Variants in BRINP3 observed in about 807,000 individuals in gnomAD.
The protein encoded by BRINP3 is BMP/retinoic acid inducible neural specific 3.
Under a neutral mutation model 71.0 loss-of-function variants are expected in BRINP3, and 19 were observed. That is an observed-to-expected ratio of 0.27 (90% CI 0.19 to 0.39). BRINP3 has a LOEUF of 0.39. BRINP3 is among the 10% of genes least tolerant of loss of function. The pLI, the probability that BRINP3 is intolerant of heterozygous loss-of-function variation, is 1.00. For missense variants in BRINP3, 959 were observed against 940.8 expected (o/e 1.02, Z -0.25); for synonymous variants, 380 against 337.7 (o/e 1.13, Z -1.37).
chr1:190,459,638 T>C (rs2102653055), intron 1 of BRINP3, among the ~76,000 whole-genome samples: 1 of 152,064 alleles, frequency 6.6e-6, no homozygotes, highest in East Asian at 1.9e-4. Flanking sequence ...TAATTATTAC[T>C]ATTTGTTAAA....
chr1:190,311,753 G>T (rs1044375030), intron 2 of BRINP3, among the ~76,000 whole-genome samples: 4 of 150,786 alleles, frequency 2.7e-5, no homozygotes, highest in Non-Finnish European at 4.4e-5. Flanking sequence ...AAAATAACTG[G>T]TGACACTAAA....
chr1:190,287,068 G>GA (rs141757758), intron 2 of BRINP3, among the ~76,000 whole-genome samples: 21,110 of 145,500 alleles, frequency 0.15, 1,954 homozygotes, highest in South Asian at 0.26. Context: ...AAAAAAAAAA[G>GA]AAAAAAAAAA....
intron 2 of BRINP3, among the ~76,000 whole-genome samples, chr1:190,355,157 G>C (rs1668649175): frequency 6.6e-6 from 1 of 151,830 alleles, no homozygotes; most frequent in African/African-American, 2.4e-5. Context: ...ATAGTATTAA[G>C]TTTTGTAGCA....
At chr1:190,226,617 T>G (rs1443822186) in intron 5 of BRINP3, among the ~76,000 whole-genome samples, 1 of 152,008 alleles carries the variant, frequency 6.6e-6, no homozygotes, top group Non-Finnish European at 1.5e-5. Context: ...TTTTACATAA[T>G]ATAGATGGAG....
chr1:190,415,078 A>G (rs1672927238), intron 2 of BRINP3, among the ~76,000 whole-genome samples: 1 of 152,198 alleles, frequency 6.6e-6, no homozygotes, highest in East Asian at 1.9e-4. Flanking sequence ...ACCTACATGT[A>G]AAACTTTTAA....
At chr1:190,196,489 A>G (rs1003787498) in intron 6 of BRINP3, among the ~76,000 whole-genome samples, 1 of 152,114 alleles carries the variant, frequency 6.6e-6, no homozygotes, top group Non-Finnish European at 1.5e-5. Context: ...TCCAAAGTAA[A>G]CAGTTATAAT....
At chr1:190,115,958 G>A (rs760566642) in intron 7 of BRINP3, among the ~76,000 whole-genome samples, 6 of 152,040 alleles carry the variant, frequency 3.9e-5, no homozygotes, top group Admixed American at 6.6e-5. Context: ...GTTGCCAGTC[G>A]TTGGGAGAGT....
chr1:190,402,820 C>T (rs994401342), intron 2 of BRINP3, among the ~76,000 whole-genome samples: 2 of 152,194 alleles, frequency 1.3e-5, no homozygotes, highest in African/African-American at 2.4e-5. Flanking sequence ...CAGCCTCAAC[C>T]TCCCAGGCTC....
intron 2 of BRINP3, among the ~76,000 whole-genome samples, chr1:190,287,839 A>T (rs560761699): frequency 6.6e-6 from 1 of 151,990 alleles, no homozygotes; most frequent in Non-Finnish European, 1.5e-5. Flanking sequence ...TCAGATTTTT[A>T]AAATATGTTA....
At chr1:190,276,228 T>A (rs1310086819) in intron 3 of BRINP3, among the ~76,000 whole-genome samples, 1 of 151,650 alleles carries the variant, frequency 6.6e-6, no homozygotes, top group Admixed American at 6.6e-5. Context: ...ATTATTTATG[T>A]GTGTGTATTT....
At chr1:190,139,451 C>CAAAAAAAAA (rs11315431) in intron 7 of BRINP3, among the ~76,000 whole-genome samples, 2 of 87,578 alleles carry the variant, frequency 2.3e-5, no homozygotes, top group Non-Finnish European at 4.7e-5. Context: ...GACTCTGTCT[C>CAAAAAAAAA]AAAAAAAAAA....
At chr1:190,251,336 C>T (rs1285364214) in intron 4 of BRINP3, among the ~76,000 whole-genome samples, 6 of 151,922 alleles carry the variant, frequency 3.9e-5, no homozygotes, top group Non-Finnish European at 7.4e-5. Context: ...AATATTAACT[C>T]TCCCTATTTT....
intron 2 of BRINP3, among the ~76,000 whole-genome samples, chr1:190,290,816 G>A (rs1362334853): frequency 6.6e-6 from 1 of 151,950 alleles, no homozygotes; most frequent in African/African-American, 2.4e-5. Flanking sequence ...CAAACTTAAT[G>A]ACATTAACTC....
At chr1:190,228,730 A>G (rs1036619633) in intron 5 of BRINP3, among the ~76,000 whole-genome samples, 1 of 151,724 alleles carries the variant, frequency 6.6e-6, no homozygotes, top group Non-Finnish European at 1.5e-5. Context: ...GTTCCTAGAG[A>G]GATAGCTTGG....
At chr1:190,178,622 C>T (rs1454109059) in intron 6 of BRINP3, among the ~76,000 whole-genome samples, 1 of 152,114 alleles carries the variant, frequency 6.6e-6, no homozygotes, top group Non-Finnish European at 1.5e-5. Context: ...AGATTAATCA[C>T]ATCTCAGAGC....
intron 2 of BRINP3, among the ~76,000 whole-genome samples, chr1:190,392,056 G>GT (rs2102308946): frequency 5.0e-5 from 1 of 20,110 alleles, no homozygotes; most frequent in East Asian, 0.015. Flanking sequence ...GTTTAGCTTG[G>GT]CCAAAAAAAA....
intron 6 of BRINP3, among the ~76,000 whole-genome samples, chr1:190,183,248 G>A (rs1653189206): frequency 6.6e-6 from 1 of 151,826 alleles, no homozygotes; most frequent in Non-Finnish European, 1.5e-5. Context: ...TCTTTTCTCA[G>A]TTGAGATGTT....
chr1:190,171,922 C>A (rs1014622735), intron 6 of BRINP3, among the ~76,000 whole-genome samples: 1 of 151,646 alleles, frequency 6.6e-6, no homozygotes, highest in African/African-American at 2.4e-5. Flanking sequence ...GCCGGCGAAG[C>A]ATAGTAAGAC....
chr1:190,471,107 G>A (rs1338340284), intron 1 of BRINP3, among the ~76,000 whole-genome samples: 2 of 151,172 alleles, frequency 1.3e-5, no homozygotes, highest in African/African-American at 2.4e-5. Context: ...TTATATTTAT[G>A]CTTTGAAAAG....
Sources: gnomAD v4.1 joint callset for allele counts (sites outside exome capture counted in the v4.1 genomes callset) on GRCh38, gnomAD v4.1.1 for gene constraint, MANE v1.5 for transcripts, NCBI Gene and HGNC (gene_info 2026-07-23, HGNC 2026-07-21) for gene names.